The following GALNT13 variants were observed in gnomAD, a reference collection of about 807,000 sequenced individuals.
GALNT13 encodes the protein polypeptide N-acetylgalactosaminyltransferase 13.
In GALNT13, 28 loss-of-function variants were observed where a neutral mutation model predicts 64.2. The ratio of observed to expected loss-of-function variants is 0.44; its 90% CI spans 0.32 to 0.60. The LOEUF (loss-of-function observed/expected upper bound fraction) is 0.60, where lower values mean the gene tolerates loss of function less well. Among genes scored for constraint, GALNT13 ranks in the 20% least tolerant of loss-of-function variants. GALNT13 has a pLI of 0.05. For missense variants in GALNT13, 577 were observed against 669.8 expected, an observed-to-expected ratio of 0.86 and a Z score of 1.53; for synonymous variants, 214 against 224.6, an observed-to-expected ratio of 0.95 and a Z score of 0.42.
chr2:154,323,456 T>C (rs1254188084), intron 9 of GALNT13, among the ~76,000 whole-genome samples: 2 of 152,262 alleles, frequency 1.3e-5, no homozygotes, highest in African/African-American at 4.8e-5. Flanking sequence ...TCCCCCATTA[T>C]AGACAACTAT....
At chr2:153,240,241 A>G in the GALNT13 span, among the ~76,000 whole-genome samples, 4 of 151,892 alleles carry the variant, frequency 2.6e-5, no homozygotes, top group Admixed American at 6.6e-5. Context: ...AGATTAATCA[A>G]TTTTGTTTAT....
At chr2:154,010,907 T>TTG (rs960820009) in intron 3 of GALNT13, among the ~76,000 whole-genome samples, 13 of 151,668 alleles carry the variant, frequency 8.6e-5, no homozygotes, top group African/African-American at 1.2e-4. Context: ...GAGGGTTTTT[T>TTG]TGTGTGTGTG....
At chr2:154,156,980 A>T (rs919922585) in intron 4 of GALNT13, among the ~76,000 whole-genome samples, 37 of 152,170 alleles carry the variant, frequency 2.4e-4, no homozygotes, top group African/African-American at 8.4e-4. Context: ...GACTTGTCTT[A>T]AGTTAAATAC....
chr2:153,254,971 G>A, the GALNT13 span, among the ~76,000 whole-genome samples: 1 of 152,060 alleles, frequency 6.6e-6, no homozygotes, highest in African/African-American at 2.4e-5. Flanking sequence ...GAGTTCTGTA[G>A]ATGTCTATTA....
At chr2:154,231,824 G>C (rs1688934049) in intron 4 of GALNT13, among the ~76,000 whole-genome samples, 1 of 149,208 alleles carries the variant, frequency 6.7e-6, no homozygotes, top group African/African-American at 2.5e-5. Context: ...AACCTATTTT[G>C]TTTGGTTTTA....
chr2:153,835,031 G>T, the GALNT13 span, among the ~76,000 whole-genome samples: 5 of 152,056 alleles, frequency 3.3e-5, no homozygotes, highest in African/African-American at 1.2e-4. Flanking sequence ...AAACTCAAGA[G>T]GAGGTAATTA....
chr2:153,512,009 G>A, the GALNT13 span, among the ~76,000 whole-genome samples: 2 of 152,126 alleles, frequency 1.3e-5, no homozygotes, highest in African/African-American at 2.4e-5. Flanking sequence ...GGTAATCTGC[G>A]TATGTATGAC....
chr2:153,146,187 C>T, the GALNT13 span, among the ~76,000 whole-genome samples: 1 of 148,892 alleles, frequency 6.7e-6, no homozygotes. Context: ...TTTTTTTTTC[C>T]AATGACCCTT....
chr2:153,304,134 A>G, the GALNT13 span, among the ~76,000 whole-genome samples: 1 of 100,028 alleles, frequency 1.0e-5, no homozygotes, highest in Non-Finnish European at 2.3e-5. Flanking sequence ...TGCCACCACC[A>G]TTAGTAAATG....
the GALNT13 span, among the ~76,000 whole-genome samples, chr2:153,735,747 C>T: frequency 6.6e-6 from 1 of 152,156 alleles, no homozygotes; most frequent in African/African-American, 2.4e-5. Flanking sequence ...TGCAGAATAT[C>T]CCTCAACCTG....
At chr2:153,974,551 C>G (rs72993639) in intron 3 of GALNT13, among the ~76,000 whole-genome samples, 1 of 151,848 alleles carries the variant, frequency 6.6e-6, no homozygotes, top group Non-Finnish European at 1.5e-5. Context: ...TATTTTGGAG[C>G]TTGCATGCTA....
chr2:154,134,777 G>C (rs1238237083), intron 3 of GALNT13, among the ~76,000 whole-genome samples: 5 of 152,102 alleles, frequency 3.3e-5, no homozygotes, highest in Non-Finnish European at 7.4e-5. Flanking sequence ...AGATCACCTG[G>C]GGTCAGGAGT....
At chr2:153,346,937 G>A in the GALNT13 span, among the ~76,000 whole-genome samples, 1 of 152,164 alleles carries the variant, frequency 6.6e-6, no homozygotes, top group Admixed American at 6.5e-5. Flanking sequence ...CAATAGGGCT[G>A]GCTACATAAT....
the GALNT13 span, among the ~76,000 whole-genome samples, chr2:153,349,153 C>T: frequency 6.6e-6 from 1 of 152,024 alleles, no homozygotes; most frequent in African/African-American, 2.4e-5. Context: ...TTGTTGACTT[C>T]CTAACAGTAG....
At position 153,988,069 on chromosome 2, in the gene GALNT13, T is replaced by TACAC. The variant is rs201667115; in HGVS notation, c.142+43431_142+43432insCACA. ...GGGTAGGAGGTGACATATATATATA[T>TACAC]ATATACACACACACACACACACACA... On this transcript the variant is annotated intron_variant, in intron 3 of 12. Coordinates refer to ENST00000392825, the MANE Select transcript of GALNT13 (RefSeq NM_052917.4). Among the ~76,000 whole-genome samples the TACAC allele has an allele frequency of 4.2e-3, 600 of 143,502 alleles. 1 individual carries two copies. The highest frequency in any genetic ancestry group is 7.2e-3 in the Non-Finnish European group (458 of 63,328). The allele number at this position is 143,502 out of a possible 152,430, so 94.1% of individuals were successfully genotyped here.
At chr2:153,852,620 T>C in the GALNT13 span, among the ~76,000 whole-genome samples, 1 of 152,192 alleles carries the variant, frequency 6.6e-6, no homozygotes, top group African/African-American at 2.4e-5. Context: ...AGTAAGTGTA[T>C]GAAAGACTTG....
chr2:153,837,929 TTTA>T, the GALNT13 span, among the ~76,000 whole-genome samples: 1 of 152,032 alleles, frequency 6.6e-6, no homozygotes, highest in Non-Finnish European at 1.5e-5. Flanking sequence ...CTCACCAATA[TTTA>T]TTATCATTTG....
At chr2:153,467,558 C>G in the GALNT13 span, among the ~76,000 whole-genome samples, 1 of 152,018 alleles carries the variant, frequency 6.6e-6, no homozygotes, top group Non-Finnish European at 1.5e-5. Flanking sequence ...AACATTTTAC[C>G]TGTATGACCT....
At chr2:154,109,376 A>G (rs1702804079) in intron 3 of GALNT13, among the ~76,000 whole-genome samples, 2 of 152,022 alleles carry the variant, frequency 1.3e-5, no homozygotes, top group South Asian at 4.1e-4. Flanking sequence ...TTCTAACAAT[A>G]TTTTTGGTGG....
Sources: gnomAD v4.1 joint callset for allele counts (sites outside exome capture counted in the v4.1 genomes callset) on GRCh38, gnomAD v4.1.1 for gene constraint, MANE v1.5 for transcripts, NCBI Gene and HGNC (gene_info 2026-07-23, HGNC 2026-07-21) for gene names.